Variants in CRTC1 observed in about 807,000 individuals in gnomAD.
CRTC1 encodes CREB-regulated transcription coactivator 1.
CRTC1 carries 18 observed loss-of-function variants against 66.1 expected under a neutral mutation model. The ratio of observed to expected loss-of-function variants is 0.27; its 90% CI spans 0.19 to 0.40. CRTC1 has a LOEUF of 0.40. CRTC1 is among the 10% of genes least tolerant of loss of function. The pLI is 1.00. For synonymous variants in CRTC1, 416 were observed against 398.8 expected, an observed-to-expected ratio of 1.04 and a Z score of -0.51; for missense variants, 669 against 887.9, an observed-to-expected ratio of 0.75 and a Z score of 3.13.
chr19:18,754,166 G>A (rs995975062), intron 6 of CRTC1, among the ~76,000 whole-genome samples: 1 of 151,896 alleles, frequency 6.6e-6, no homozygotes, highest in Non-Finnish European at 1.5e-5. Flanking sequence ...GGACAGCAAT[G>A]CAAATTACTC....
intron 1 of CRTC1, among the ~76,000 whole-genome samples, chr19:18,737,510 A>G (rs999308722): frequency 6.6e-6 from 1 of 152,064 alleles, no homozygotes; most frequent in Non-Finnish European, 1.5e-5. Flanking sequence ...CAGTTTTCCC[A>G]TCTGGAGAGT....
intron 1 of CRTC1, among the ~76,000 whole-genome samples, chr19:18,738,176 G>T (rs947398451): frequency 2.0e-5 from 3 of 152,016 alleles, no homozygotes; most frequent in African/African-American, 7.2e-5. Flanking sequence ...AATTAGCCAG[G>T]CATGGTGGTT....
chr19:18,689,665 C>T (rs187974013), intron 1 of CRTC1, among the ~76,000 whole-genome samples: 15 of 142,222 alleles, frequency 1.1e-4, no homozygotes, highest in African/African-American at 1.9e-4. Flanking sequence ...TGTGGTGCAC[C>T]GTCACCGGCA....
At chr19:18,709,218 G>C (rs969986532) in intron 1 of CRTC1, among the ~76,000 whole-genome samples, 1 of 152,148 alleles carries the variant, frequency 6.6e-6, no homozygotes, top group Non-Finnish European at 1.5e-5. Flanking sequence ...GGAGGTGGTA[G>C]CCAAGGGGAC....
intron 1 of CRTC1, among the ~76,000 whole-genome samples, chr19:18,723,067 A>G (rs983276545): frequency 2.6e-5 from 4 of 151,882 alleles, no homozygotes; most frequent in Non-Finnish European, 1.5e-5. Context: ...CAGCCTCCCA[A>G]GTACCTGGGA....
chr19:18,777,385 G>C lies in CRTC1; in HGVS notation c.*3G>C, dbSNP rs199510737. The C allele has an allele frequency of 1.6e-3, 2,614 of 1,600,972 alleles. 11 individuals are homozygous for C. Among genetic ancestry groups the C allele is most frequent in the Admixed American group, 1.5e-3 (88 of 60,010 alleles). Reference sequence around the variant, plus strand: ...CCTTCCGGATGGACCGCCTGTGAGCGGGCACGCCGGCACCCTGCCGCTCAG... The same window carrying C: ...CCTTCCGGATGGACCGCCTGTGAGCCGGCACGCCGGCACCCTGCCGCTCAG... On this transcript the variant is annotated 3_prime_UTR_variant, in exon 14 of 14. Transcript: ENST00000321949. The surrounding 1 kb of genome is among the most constrained non-coding windows in gnomAD (Gnocchi z 5.5).
chr19:18,747,166 A>C, intron 4 of CRTC1, 52 bp downstream of exon 4: 6 of 1,190,626 alleles, frequency 5.0e-6, no homozygotes, highest in Non-Finnish European at 6.9e-6. Context: ...AAACAAAACC[A>C]AACTCTCATC....
chr19:18,722,864 T>C (rs183833346), intron 1 of CRTC1, among the ~76,000 whole-genome samples: 1 of 152,290 alleles, frequency 6.6e-6, no homozygotes, highest in Non-Finnish European at 1.5e-5. Flanking sequence ...TCTGACACCA[T>C]GTGGCCTTTT....
At chr19:18,702,192 G>A (rs1233090964) in intron 1 of CRTC1, among the ~76,000 whole-genome samples, 3 of 151,704 alleles carry the variant, frequency 2.0e-5, no homozygotes, top group Non-Finnish European at 2.9e-5. Flanking sequence ...CAAAGTGCTG[G>A]CATTACAGGC....
At position 18,719,733 on chromosome 19, in the gene CRTC1, C is replaced by T. The variant is rs138819232; in HGVS notation, c.127-23177C>T. The stretch of plus-strand genomic sequence containing the variant: ...GGAGGTGGCTCCTGGCAGATCGCCC[C>T]GCGGTGCTCAGAATCCCAGAGGCCT... On this transcript the variant is annotated intron_variant, in intron 1 of 13. Coordinates refer to ENST00000321949, the MANE Select transcript of CRTC1 (RefSeq NM_015321.3). Among the ~76,000 whole-genome samples the T allele has an allele frequency of 6.7e-3, 1,013 of 152,330 alleles. 8 individuals carry two copies. The highest frequency in any genetic ancestry group is 0.011 in the South Asian group (52 of 4,830).
rs780716716 is a variant in CRTC1 at position 18,768,439 on chromosome 19, G to A, written c.1012-46G>A. The A allele has an allele frequency of 3.4e-5, 53 of 1,553,098 alleles. No individual in the cohort carries two copies. The highest frequency in any genetic ancestry group is 4.3e-5 in the Non-Finnish European group (49 of 1,139,732). On this transcript the variant is annotated intron_variant, in intron 9 of 13. Coordinates refer to ENST00000321949, the MANE Select transcript of CRTC1 (RefSeq NM_015321.3). The surrounding 1 kb of genome is among the most constrained non-coding windows in gnomAD (Gnocchi z 5.6). Reference sequence around the variant, plus strand: ...CTATGGGGGCCCGAGGGGGCCAGGCGCTGACAACCAGGGCCCGCCCTGCCT... The same window carrying A: ...CTATGGGGGCCCGAGGGGGCCAGGCACTGACAACCAGGGCCCGCCCTGCCT...
chr19:18,775,281 G>A (rs912958695), intron 12 of CRTC1, among the ~76,000 whole-genome samples: 1 of 152,262 alleles, frequency 6.6e-6, no homozygotes, highest in Admixed American at 6.5e-5. Flanking sequence ...AGACAGGGAT[G>A]GGACCGTGGC....
chr19:18,683,682 G>GGAGGAGGTGGCGGC lies in CRTC1; in HGVS notation c.-17_-4dup. On this transcript the variant is annotated 5_prime_UTR_variant, in exon 1 of 14. Transcript: ENST00000321949. ...AGGAGGTGGAGGAGGAGGAGGAGGA[G>GGAGGAGGTGGCGGC]GAGGAGGTGGCGGCGAGAAGATGGC... 1 of 1,385,206 alleles carries GGAGGAGGTGGCGGC rather than the reference G, an allele frequency of 7.2e-7. No homozygotes were observed. Among genetic ancestry groups the GGAGGAGGTGGCGGC allele is most frequent in the Non-Finnish European group, 9.6e-7 (1 of 1,043,658 alleles). The allele number at this position is 1,385,206 out of a possible 1,614,324, so 85.8% of individuals were successfully genotyped here.
chr19:18,764,965 G>A (rs1338386253), intron 8 of CRTC1, among the ~76,000 whole-genome samples: 3 of 152,230 alleles, frequency 2.0e-5, no homozygotes, highest in Non-Finnish European at 4.4e-5. Flanking sequence ...AAAGTGGGAA[G>A]CAGGCTCAGA....
chr19:18,685,691 G>A (rs1348547001), intron 1 of CRTC1, among the ~76,000 whole-genome samples: 1 of 152,084 alleles, frequency 6.6e-6, no homozygotes, highest in East Asian at 1.9e-4. Context: ...TGTGCAACTT[G>A]AGCATCCTTC....
At chr19:18,729,500 TGTGGGAGGCCGA>T (rs1243951890) in intron 1 of CRTC1, among the ~76,000 whole-genome samples, 3 of 150,968 alleles carry the variant, frequency 2.0e-5, no homozygotes, top group Admixed American at 6.6e-5. Flanking sequence ...ATCCTAGCAC[TGTGGGAGGCCGA>T]GTCAGGAGGA....
intron 5 of CRTC1, among the ~76,000 whole-genome samples, chr19:18,751,196 T>TA (rs1001745809): frequency 5.9e-5 from 9 of 151,708 alleles, no homozygotes; most frequent in East Asian, 1.9e-4. Flanking sequence ...CAGTTACAAG[T>TA]AAAAAAAATG....
chr19:18,774,252 C>T (rs1003862815), intron 11 of CRTC1, among the ~76,000 whole-genome samples: 10 of 152,196 alleles, frequency 6.6e-5, no homozygotes, highest in African/African-American at 1.7e-4. Flanking sequence ...AGCGTCTCCA[C>T]CACCCATAAG....
intron 6 of CRTC1, among the ~76,000 whole-genome samples, chr19:18,755,079 G>A (rs2054454217): frequency 1.3e-5 from 2 of 151,888 alleles, no homozygotes; most frequent in Non-Finnish European, 2.9e-5. Flanking sequence ...TGCCTCCCGG[G>A]TTCAAGCGAA....
Sources: gnomAD v4.1 joint callset for allele counts (sites outside exome capture counted in the v4.1 genomes callset) on GRCh38, gnomAD v4.1.1 for gene constraint, Gnocchi (gnomAD v3.1) non-coding constraint, MANE v1.5 for transcripts, NCBI Gene and HGNC (gene_info 2026-07-23, HGNC 2026-07-21) for gene names.